The following TTC39B variants were observed in gnomAD, a reference collection of about 807,000 sequenced individuals.
TTC39B encodes tetratricopeptide repeat domain 39B.
In TTC39B, 92 loss-of-function variants were observed where a neutral mutation model predicts 96.6. The observed-to-expected ratio is 0.95, with a 90% CI of 0.80 to 1.13. TTC39B has a LOEUF of 1.13. TTC39B is among the 50% of genes most tolerant of loss of function. The pLI, the probability that TTC39B is intolerant of heterozygous loss-of-function variation, is 0.00. For missense variants in TTC39B, 955 were observed against 809.3 expected (o/e 1.18, Z -2.18); for synonymous variants, 367 against 299.4 (o/e 1.23, Z -2.33).
At chr9:15,188,044 T>C in exon 14 of TTC39B, 1 of 1,612,784 alleles carries the variant, frequency 6.2e-7, no homozygotes, top group African/African-American at 1.3e-5. Context: ...TTGGAAAACA[T>C]TAATCCACAT....
At chr9:15,302,857 G>GA (rs1179228414) in intron 1 of TTC39B, among the ~76,000 whole-genome samples, 2 of 149,352 alleles carry the variant, frequency 1.3e-5, no homozygotes, top group East Asian at 2.0e-4. Context: ...ACCAAAAAAA[G>GA]AAAAAAATGT....
intron 2 of TTC39B, among the ~76,000 whole-genome samples, chr9:15,252,472 C>T (rs1441655743): frequency 1.3e-5 from 2 of 152,130 alleles, no homozygotes; most frequent in African/African-American, 4.8e-5. Context: ...CACGGTGAAA[C>T]CCCATCTCTA....
intron 4 of TTC39B, among the ~76,000 whole-genome samples, chr9:15,212,932 T>C (rs1040614432): frequency 2.0e-5 from 3 of 152,180 alleles, no homozygotes; most frequent in Non-Finnish European, 4.4e-5. Flanking sequence ...TTAACAATAA[T>C]TTATCATTAT....
At chr9:15,189,768 T>C in exon 12 of TTC39B, 1 of 1,612,844 alleles carries the variant, frequency 6.2e-7, no homozygotes, top group Non-Finnish European at 8.5e-7. Flanking sequence ...ACGCTCTGCT[T>C]CCGCAACATT....
exon 5 of TTC39B, chr9:15,211,327 C>G (rs189466778): frequency 1.3e-6 from 2 of 1,594,674 alleles, no homozygotes; most frequent in South Asian, 1.1e-5. Flanking sequence ...TCCTGTTGCT[C>G]GAAGGTCAGG....
intron 1 of TTC39B, among the ~76,000 whole-genome samples, chr9:15,298,890 G>A (rs1299146353): frequency 6.6e-6 from 1 of 152,052 alleles, no homozygotes; most frequent in East Asian, 1.9e-4. Context: ...TCCCTCTCCT[G>A]GAAGACACTT....
intron 1 of TTC39B, among the ~76,000 whole-genome samples, chr9:15,291,610 T>G (rs1005140109): frequency 1.3e-5 from 2 of 152,236 alleles, no homozygotes; most frequent in African/African-American, 4.8e-5. Context: ...TTCTATTCAT[T>G]CCTTAAGACA....
chr9:15,226,769 G>A (rs603033), intron 2 of TTC39B, among the ~76,000 whole-genome samples: 7,510 of 152,120 alleles, frequency 0.049, 593 homozygotes, highest in African/African-American at 0.17. Flanking sequence ...ACAGATATCT[G>A]ACAGGCACAC....
intron 1 of TTC39B, among the ~76,000 whole-genome samples, chr9:15,289,216 C>T (rs1372108379): frequency 1.3e-5 from 2 of 152,126 alleles, no homozygotes; most frequent in East Asian, 3.9e-4. Context: ...AAAACAAAAC[C>T]TTTCCTCCCA....
chr9:15,243,699 C>T (rs112991826), intron 2 of TTC39B, among the ~76,000 whole-genome samples: 21 of 152,194 alleles, frequency 1.4e-4, no homozygotes, highest in African/African-American at 5.1e-4. Context: ...CACTTGAGCC[C>T]AGAACTTCTA....
At chr9:15,246,413 G>T (rs1472998972) in intron 2 of TTC39B, among the ~76,000 whole-genome samples, 2 of 152,130 alleles carry the variant, frequency 1.3e-5, no homozygotes, top group Admixed American at 1.3e-4. Context: ...GGAGTTTAAG[G>T]TGTATGACTC....
At chr9:15,246,497 T>C (rs1354224003) in intron 2 of TTC39B, among the ~76,000 whole-genome samples, 1 of 152,162 alleles carries the variant, frequency 6.6e-6, no homozygotes, top group Admixed American at 6.5e-5. Context: ...CACAAATTCT[T>C]TGTCACCCTT....
intron 6 of TTC39B, among the ~76,000 whole-genome samples, chr9:15,208,168 G>A (rs1025368514): frequency 6.6e-6 from 1 of 151,282 alleles, no homozygotes; most frequent in Non-Finnish European, 1.5e-5. Context: ...GGGACTATAG[G>A]TGTGCGCCAC....
chr9:15,259,988 T>G (rs1227792310), intron 2 of TTC39B, among the ~76,000 whole-genome samples: 1 of 152,186 alleles, frequency 6.6e-6, no homozygotes, highest in Non-Finnish European at 1.5e-5. Flanking sequence ...TTTCAGACGA[T>G]AAAAATGTTT....
intron 8 of TTC39B, among the ~76,000 whole-genome samples, chr9:15,197,084 C>G (rs1424758784): frequency 6.6e-6 from 1 of 152,128 alleles, no homozygotes; most frequent in Non-Finnish European, 1.5e-5. Context: ...ATGGTATTGG[C>G]AGACTTAACA....
At chr9:15,251,160 C>T (rs762629038) in intron 2 of TTC39B, among the ~76,000 whole-genome samples, 62 of 152,010 alleles carry the variant, frequency 4.1e-4, no homozygotes, top group Non-Finnish European at 7.1e-4. Flanking sequence ...TGCGCCACTG[C>T]ACTCTGCCCT....
At chr9:15,204,068 T>C (rs1464944291) in intron 6 of TTC39B, among the ~76,000 whole-genome samples, 178 bp from the exon 7 acceptor site, 1 of 152,162 alleles carries the variant, frequency 6.6e-6, no homozygotes, top group Non-Finnish European at 1.5e-5. Flanking sequence ...TCAGGAAGAT[T>C]TTCCTGGAAT....
intron 1 of TTC39B, among the ~76,000 whole-genome samples, chr9:15,279,977 C>A (rs1324725204): frequency 6.8e-6 from 1 of 147,358 alleles, no homozygotes; most frequent in Non-Finnish European, 1.5e-5. Context: ...CTCAGTGCAA[C>A]CTCCACCCCC....
chr9:15,198,292 AC>A (rs1243425040), intron 8 of TTC39B, among the ~76,000 whole-genome samples: 2 of 151,972 alleles, frequency 1.3e-5, no homozygotes, highest in African/African-American at 4.8e-5. Flanking sequence ...CCCCGTCTTT[AC>A]TAAAAATACA....
Sources: gnomAD v4.1 joint callset for allele counts (sites outside exome capture counted in the v4.1 genomes callset) on GRCh38, gnomAD v4.1.1 for gene constraint, MANE v1.5 for transcripts, NCBI Gene and HGNC (gene_info 2026-07-23, HGNC 2026-07-21) for gene names.